Variants in LDLRAD4 observed in about 807,000 individuals in gnomAD.
LDLRAD4 encodes low density lipoprotein receptor class A domain containing 4.
LDLRAD4 carries 5 observed loss-of-function variants against 17.0 expected under a neutral mutation model. That is an observed-to-expected ratio of 0.29 (90% CI 0.15 to 0.62). The LOEUF is 0.62. LDLRAD4 is among the 20% of genes least tolerant of loss of function. The pLI is 0.84. For missense variants in LDLRAD4, 340 were observed against 424.7 expected (o/e 0.80, Z 1.75); for synonymous variants, 168 against 171.8 (o/e 0.98, Z 0.17).
At chr18:13,411,613 A>G (rs2088369539) in intron 2 of LDLRAD4, among the ~76,000 whole-genome samples, 1 of 152,194 alleles carries the variant, frequency 6.6e-6, no homozygotes, top group African/African-American at 2.4e-5. Context: ...GTTCCCCTGC[A>G]CACGCTCTCT....
intron 3 of LDLRAD4, among the ~76,000 whole-genome samples, chr18:13,463,606 C>T (rs571999961): frequency 1.3e-5 from 2 of 152,248 alleles, no homozygotes; most frequent in South Asian, 4.2e-4. Context: ...TAGTGTTCAC[C>T]TCATTCACAC....
chr18:13,433,242 C>T (rs2090456041), intron 2 of LDLRAD4, among the ~76,000 whole-genome samples: 1 of 152,164 alleles, frequency 6.6e-6, no homozygotes, highest in Non-Finnish European at 1.5e-5. Context: ...GGAAAAGGCA[C>T]CCGTACAGAG....
intron 2 of LDLRAD4, among the ~76,000 whole-genome samples, chr18:13,418,580 G>C (rs180786896): frequency 2.0e-4 from 31 of 152,174 alleles, no homozygotes; most frequent in African/African-American, 6.3e-4. Flanking sequence ...TGGGTTTTAT[G>C]TGTTCAACTT....
chr18:13,232,726 G>A (rs1483054070), intron 1 of LDLRAD4, among the ~76,000 whole-genome samples: 2 of 152,182 alleles, frequency 1.3e-5, no homozygotes, highest in Admixed American at 6.5e-5. Flanking sequence ...AGCCGTGTGC[G>A]CCGTTCACAC....
intron 1 of LDLRAD4, among the ~76,000 whole-genome samples, chr18:13,229,346 G>A (rs2041958416): frequency 6.6e-6 from 1 of 152,226 alleles, no homozygotes; most frequent in Non-Finnish European, 1.5e-5. Context: ...GTTCACCTCT[G>A]AAATAGCTGT....
At chr18:13,591,890 G>A (rs1177309221) in intron 3 of LDLRAD4, among the ~76,000 whole-genome samples, 1 of 152,118 alleles carries the variant, frequency 6.6e-6, no homozygotes, top group Non-Finnish European at 1.5e-5. Flanking sequence ...GGGCATTTGG[G>A]GGTAATTATA....
At chr18:13,363,990 T>C (rs1167627984) in intron 1 of LDLRAD4, among the ~76,000 whole-genome samples, 1 of 152,194 alleles carries the variant, frequency 6.6e-6, no homozygotes, top group African/African-American at 2.4e-5. Context: ...GGCTTTAAAG[T>C]AGTAAACATA....
At chr18:13,412,622 C>T (rs763408286) in intron 2 of LDLRAD4, among the ~76,000 whole-genome samples, 1 of 152,150 alleles carries the variant, frequency 6.6e-6, no homozygotes, top group African/African-American at 2.4e-5. Flanking sequence ...TATGGGCCTC[C>T]ACTCCAGCAG....
intron 3 of LDLRAD4, chr18:13,615,792 G>A (rs2040011964): frequency 6.6e-6 from 1 of 152,234 alleles, no homozygotes; most frequent in African/African-American, 2.4e-5. Context: ...ATGAACTACA[G>A]CGCCGTAGAA....
In LDLRAD4 at chr18:13,442,747, T is replaced by C. The variant is rs186150847; in HGVS notation, c.181+4363T>C. ...ACATCTTAGTGGGGGACAGCAGCGT[T>C]CCTTCGACCGTCCAGAAGCGATAAT... On this transcript the variant is annotated intron_variant, in intron 3 of 5. Coordinates refer to ENST00000359446, the Ensembl canonical transcript of LDLRAD4. 1.1e-3 allele frequency among the ~76,000 whole-genome samples: 172 copies of C among 152,324 alleles called. 2 individuals are homozygous for C. Among genetic ancestry groups the C allele is most frequent in the African/African-American group, 3.9e-3 (163 of 41,572 alleles).
chr18:13,508,429 G>T (rs1381875801), intron 3 of LDLRAD4, among the ~76,000 whole-genome samples: 1 of 152,214 alleles, frequency 6.6e-6, no homozygotes, highest in Admixed American at 6.5e-5. Context: ...TGCCATGTAG[G>T]GTTTTCATAG....
At chr18:13,552,383 C>G (rs1476524776) in intron 3 of LDLRAD4, among the ~76,000 whole-genome samples, 5 of 152,186 alleles carry the variant, frequency 3.3e-5, no homozygotes, top group East Asian at 1.9e-4. Context: ...AAGGCACTTA[C>G]GTTTTATGCC....
At chr18:13,373,384 G>A (rs569474151) in intron 1 of LDLRAD4, among the ~76,000 whole-genome samples, 8 of 152,218 alleles carry the variant, frequency 5.3e-5, no homozygotes, top group South Asian at 4.1e-4. Flanking sequence ...GAAAATGTGC[G>A]TCACAGACTG....
chr18:13,269,626 C>T (rs2044410593), intron 1 of LDLRAD4, among the ~76,000 whole-genome samples: 1 of 151,978 alleles, frequency 6.6e-6, no homozygotes, highest in Admixed American at 6.5e-5. Context: ...GCATCCGTGC[C>T]TGTTTCCCAG....
intron 3 of LDLRAD4, among the ~76,000 whole-genome samples, chr18:13,498,995 C>T (rs2093552084): frequency 1.3e-5 from 2 of 149,766 alleles, no homozygotes; most frequent in Non-Finnish European, 3.0e-5. Flanking sequence ...TCTCCACACA[C>T]GTCCCGCCGT....
chr18:13,408,639 A>C (rs2088019215), intron 2 of LDLRAD4, among the ~76,000 whole-genome samples: 1 of 151,660 alleles, frequency 6.6e-6, no homozygotes, highest in Admixed American at 6.6e-5. Flanking sequence ...CACCTGGCTA[A>C]TTTTTGTTAT....
intron 1 of LDLRAD4, among the ~76,000 whole-genome samples, chr18:13,234,170 T>C (rs1287208201): frequency 6.6e-6 from 1 of 152,150 alleles, no homozygotes; most frequent in Non-Finnish European, 1.5e-5. Flanking sequence ...GATGGTCTGG[T>C]CTGGATGCAG....
chr18:13,629,811 T>C (rs1258930703), intron 4 of LDLRAD4, among the ~76,000 whole-genome samples: 1 of 152,052 alleles, frequency 6.6e-6, no homozygotes, highest in East Asian at 1.9e-4. Flanking sequence ...AAAAATTATC[T>C]TAATGATCAT....
intron 3 of LDLRAD4, among the ~76,000 whole-genome samples, chr18:13,548,103 G>C (rs922883396): frequency 8.5e-5 from 13 of 152,258 alleles, no homozygotes; most frequent in African/African-American, 2.6e-4. Flanking sequence ...TCTCAGCAGA[G>C]AGGAGACCCA....
Sources: allele counts gnomAD v4.1 joint callset (sites outside exome capture counted in the v4.1 genomes callset), GRCh38; gene constraint gnomAD v4.1.1; transcripts MANE v1.5; gene names NCBI Gene and HGNC (gene_info 2026-07-23, HGNC 2026-07-21).